The following NOL4L variants were observed in gnomAD, a reference collection of about 807,000 sequenced individuals.
The protein encoded by NOL4L is nucleolar protein 4-like.
Under a neutral mutation model 64.5 loss-of-function variants are expected in NOL4L, and 7 were observed. The observed-to-expected ratio is 0.11, with a 90% CI of 0.06 to 0.20. The LOEUF (loss-of-function observed/expected upper bound fraction) is 0.20, where lower values mean the gene tolerates loss of function less well. Among genes scored for constraint, NOL4L ranks in the 10% least tolerant of loss-of-function variants. The pLI is 1.00. For missense variants in NOL4L, 680 were observed against 967.1 expected (o/e 0.70, Z 3.94); for synonymous variants, 413 against 401.0 (o/e 1.03, Z -0.36).
intron 2 of NOL4L, among the ~76,000 whole-genome samples, chr20:32,525,110 C>A (rs1372570835): frequency 6.6e-6 from 1 of 152,202 alleles, no homozygotes; most frequent in African/African-American, 2.4e-5. Context: ...GGACGAGAAG[C>A]CAGGAAGTGC....
rs2013901039 is a variant in NOL4L, at chr20:32,460,015, A to G, written c.842-3620T>C. ...ACGGACAAGGATACTCAGTGATTCC[A>G]CTTCTACGCAGCATCTGGAACAGGC... On this transcript the variant is annotated intron_variant, in intron 5 of 10. Transcript: ENST00000621426. The surrounding 1 kb of genome is among the most constrained non-coding windows in gnomAD (Gnocchi z 5.7). Among the ~76,000 whole-genome samples the G allele has an allele frequency of 6.6e-6, 1 of 152,208 alleles. No homozygotes were observed. The highest frequency in any genetic ancestry group is 6.5e-5 in the Admixed American group (1 of 15,282).
chr20:32,574,543 G>A (rs1220283858), intron 1 of NOL4L, among the ~76,000 whole-genome samples: 2 of 152,204 alleles, frequency 1.3e-5, no homozygotes, highest in African/African-American at 4.8e-5. Context: ...AGACAAGGCC[G>A]GAGGCCCGAT....
chr20:32,473,093 G>A (rs780657593), intron 5 of NOL4L, among the ~76,000 whole-genome samples: 15 of 152,202 alleles, frequency 9.9e-5, no homozygotes, highest in Non-Finnish European at 1.6e-4. Context: ...GAGAGATCAC[G>A]CTCTCAAAGG....
At chr20:32,527,270 T>G (rs2018167039) in intron 2 of NOL4L, among the ~76,000 whole-genome samples, 1 of 152,130 alleles carries the variant, frequency 6.6e-6, no homozygotes, top group South Asian at 2.1e-4. Flanking sequence ...GAGCAGGTCC[T>G]TCGACTTCCC....
chr20:32,530,591 T>G (rs549319756), intron 1 of NOL4L, among the ~76,000 whole-genome samples: 1 of 151,238 alleles, frequency 6.6e-6, no homozygotes, highest in South Asian at 2.1e-4. Context: ...ATCTGGGCAG[T>G]AGTTATAGAA....
chr20:32,474,761 G>A lies in NOL4L; in HGVS notation c.700-19C>T, dbSNP rs1198651495. The stretch of plus-strand genomic sequence containing the variant: ...TCTCATCCTGAGCAGGGACAAAGAA[G>A]GTGGGCATTCAGCAGGGACGGGCTC... On this transcript the variant is annotated intron_variant, in intron 4 of 10. Coordinates refer to ENST00000621426, the MANE Select transcript of NOL4L (RefSeq NM_001256798.2). 5 of 1,592,388 alleles carry A rather than the reference G, an allele frequency of 3.1e-6. No homozygotes were observed. In the South Asian group the frequency reaches 5.6e-5, roughly 18 times the overall value.
chr20:32,458,463 G>T (rs921978330), intron 5 of NOL4L, among the ~76,000 whole-genome samples: 1 of 152,180 alleles, frequency 6.6e-6, no homozygotes, highest in Non-Finnish European at 1.5e-5. Flanking sequence ...CTGGCCCAGG[G>T]TCATCGTGAG....
At chr20:32,555,756 A>G (rs921657049) in intron 1 of NOL4L, among the ~76,000 whole-genome samples, 19 of 152,146 alleles carry the variant, frequency 1.2e-4, no homozygotes, top group Non-Finnish European at 1.5e-5. Flanking sequence ...TCCACAAGCC[A>G]AGAAGAGAAG....
Position 32,578,108 on chromosome 20 carries a change from A to AAAGGAAGG in NOL4L, c.321+6454_321+6461dup, listed in dbSNP as rs1333476438. 4.3e-3 allele frequency among the ~76,000 whole-genome samples: 380 copies of AAAGGAAGG among 88,310 alleles called. 16 individuals are homozygous for AAAGGAAGG. The highest frequency in any genetic ancestry group is 0.016 in the African/African-American group (274 of 17,264). The allele number at this position is 88,310 out of a possible 152,430, so 57.9% of individuals were successfully genotyped here. ...ATATTGCGTCAAAAAAGAAAGAGAG[A>AAAGGAAGG]AAGGAAGGAAGGAAGGAAGGAAGGA... On this transcript the variant is annotated intron_variant, in intron 1 of 10. Coordinates refer to ENST00000621426, the MANE Select transcript of NOL4L (RefSeq NM_001256798.2).
intron 1 of NOL4L, among the ~76,000 whole-genome samples, chr20:32,575,238 C>A (rs1421204904): frequency 6.6e-6 from 1 of 152,108 alleles, no homozygotes; most frequent in East Asian, 1.9e-4. Context: ...ACCAATCTTG[C>A]CAGCTCACCC....
chr20:32,459,979 A>C (rs2013897773), intron 5 of NOL4L, among the ~76,000 whole-genome samples: 1 of 152,234 alleles, frequency 6.6e-6, no homozygotes, highest in Non-Finnish European at 1.5e-5. Context: ...AGGCTGTGGG[A>C]AACAGGCCAG....
intron 4 of NOL4L, among the ~76,000 whole-genome samples, chr20:32,497,254 G>A (rs1474401775): frequency 1.4e-4 from 2 of 14,598 alleles, no homozygotes; most frequent in Admixed American, 1.9e-3. Context: ...CCCGCCCCAT[G>A]GAGTCAGGTC....
chr20:32,583,891 A>AG (rs200234225), intron 1 of NOL4L, among the ~76,000 whole-genome samples: 147,176 of 147,184 alleles, frequency 1, 73,584 homozygotes, highest in Middle Eastern at 1. Context: ...CCCCCGTCCC[A>AG]TGAAGGGGGA....
At chr20:32,516,189 G>A (rs1481037177) in intron 3 of NOL4L, among the ~76,000 whole-genome samples, 2 of 152,142 alleles carry the variant, frequency 1.3e-5, no homozygotes, top group African/African-American at 2.4e-5. Flanking sequence ...GTGCACGATG[G>A]GGGCCTGGCA....
chr20:32,549,974 C>T (rs2018778029), intron 1 of NOL4L, among the ~76,000 whole-genome samples: 1 of 152,152 alleles, frequency 6.6e-6, no homozygotes, highest in Admixed American at 6.5e-5. Flanking sequence ...TTCATAGCAA[C>T]ATGATTCAAA....
intron 4 of NOL4L, among the ~76,000 whole-genome samples, chr20:32,487,620 A>G (rs2016146610): frequency 6.6e-6 from 1 of 152,028 alleles, no homozygotes; most frequent in Non-Finnish European, 1.5e-5. Flanking sequence ...AGGGATGAGC[A>G]TCGGGGGGGC....
intron 6 of NOL4L, among the ~76,000 whole-genome samples, chr20:32,455,735 C>G (rs879045498): frequency 6.6e-6 from 1 of 152,222 alleles, no homozygotes; most frequent in African/African-American, 2.4e-5. Context: ...GGGACAGGCA[C>G]GCAGACAAAC....
At chr20:32,499,040 A>G (rs934330739) in intron 4 of NOL4L, among the ~76,000 whole-genome samples, 6 of 151,934 alleles carry the variant, frequency 3.9e-5, no homozygotes, top group African/African-American at 1.5e-4. Flanking sequence ...CCACCACGCC[A>G]GCTAATTTTT....
At chr20:32,571,630 C>T (rs1451562643) in intron 1 of NOL4L, among the ~76,000 whole-genome samples, 1 of 152,242 alleles carries the variant, frequency 6.6e-6, no homozygotes, top group African/African-American at 2.4e-5. Context: ...CCCCATGGCA[C>T]CGTTTCCTTC....
Sources: allele counts gnomAD v4.1 joint callset (sites outside exome capture counted in the v4.1 genomes callset), GRCh38; gene constraint gnomAD v4.1.1; non-coding constraint Gnocchi (gnomAD v3.1); transcripts MANE v1.5; gene names NCBI Gene and HGNC (gene_info 2026-07-23, HGNC 2026-07-21).